The following GOLGA6L22 variants were observed in gnomAD, a reference collection of about 807,000 sequenced individuals.
The protein encoded by GOLGA6L22 is golgin subfamily A member 6-like protein 22.
A neutral mutation model predicts 77.1 loss-of-function variants in GOLGA6L22; 28 were observed. That is an observed-to-expected ratio of 0.36 (90% confidence interval 0.27 to 0.50). GOLGA6L22 has a LOEUF of 0.50. Among genes scored for constraint, GOLGA6L22 ranks in the 20% least tolerant of loss-of-function variants. The pLI, the probability that GOLGA6L22 is intolerant of heterozygous loss-of-function variation, is 0.97. For synonymous variants in GOLGA6L22, 62 were observed against 185.3 expected (o/e 0.33, Z 5.41); for missense variants, 250 against 620.4 (o/e 0.40, Z 6.34).
chr15:22,462,830 ATGTG>A (rs1172331790), intron 5 of GOLGA6L22, among the ~76,000 whole-genome samples: 1 of 97,054 alleles, frequency 1.0e-5, no homozygotes, highest in Non-Finnish European at 2.0e-5. Flanking sequence ...GCAGGTGTAT[ATGTG>A]TGTGTGTGTA....
exon 8 of GOLGA6L22, chr15:22,466,607 G>A: frequency 1.6e-6 from 1 of 630,334 alleles, no homozygotes; most frequent in Non-Finnish European, 2.8e-6. Flanking sequence ...GAAGATAAGG[G>A]AGCAGGAGAA....
At chr15:22,463,681 A>G (rs1887592992) in intron 5 of GOLGA6L22, among the ~76,000 whole-genome samples, 160 bp from the exon 6 acceptor site, 1 of 130,882 alleles carries the variant, frequency 7.6e-6, no homozygotes, top group Non-Finnish European at 1.6e-5. Flanking sequence ...AAGAAAGAAA[A>G]ACAAATGAGA....
At chr15:22,463,247 G>T (rs1212695311) in intron 5 of GOLGA6L22, among the ~76,000 whole-genome samples, 3 of 149,374 alleles carry the variant, frequency 2.0e-5, no homozygotes, top group Non-Finnish European at 3.0e-5. Context: ...AACAGTGGTA[G>T]TACTAACAGT....
rs1887546312 is a variant in GOLGA6L22 at position 22,462,159 on chromosome 15, CT to C, written c.232-10del. ...TGCTTCTCTTTCAGCATTTGCTTGT[CT>C]TTTCTCCCAAAGGCCCAGGTTCATA... On this transcript the variant is annotated splice_polypyrimidine_tract_variant and intron_variant, in intron 3 of 8. Coordinates refer to ENST00000622895, the Ensembl canonical transcript of GOLGA6L22. 9.3e-7 allele frequency: 1 copy of C among 1,070,782 alleles called. No individual in the cohort carries two copies. The highest frequency in any genetic ancestry group is 1.3e-6 in the Non-Finnish European group (1 of 778,230). The allele number at this position is 1,070,782 out of a possible 1,614,324, so 66.3% of individuals were successfully genotyped here.
At chr15:22,466,801 G>T in exon 8 of GOLGA6L22, 1 of 554,988 alleles carries the variant, frequency 1.8e-6, no homozygotes. Context: ...TGCGGCAGCA[G>T]GAGGAGAAGA....
exon 8 of GOLGA6L22, chr15:22,466,052 G>A: frequency 3.4e-6 from 3 of 885,200 alleles, no homozygotes; most frequent in Non-Finnish European, 5.1e-6. Flanking sequence ...GGAGCAGGAG[G>A]AGAAGATGTG....
chr15:22,465,437 G>A lies in GOLGA6L22; in HGVS notation c.1045G>A (p.Glu349Lys), dbSNP rs1485838885. 7.7e-5 allele frequency: 30 copies of A among 387,644 alleles called. 2 individuals carry two copies. Among genetic ancestry groups the A allele is most frequent in the Non-Finnish European group, 4.3e-6 (1 of 232,828 alleles). The allele number at this position is 387,644 out of a possible 1,614,324, so 24.0% of individuals were successfully genotyped here. The change falls in exon 8 of 9, where the codon GAG becomes AAG. Residue 349 changes from glutamate to lysine, a missense_variant. Coordinates refer to ENST00000622895, the Ensembl canonical transcript of GOLGA6L22. ...GATACGCGAGCAGGAGAAGAGGCAG[G>A]AGCAGGAGGCGAAGATGTGGAGGCA... is the stretch of plus-strand genomic sequence containing the variant.
intron 5 of GOLGA6L22, among the ~76,000 whole-genome samples, chr15:22,463,170 A>G (rs1201611603): frequency 1.4e-5 from 2 of 139,122 alleles, no homozygotes; most frequent in Non-Finnish European, 3.1e-5. Flanking sequence ...ACCGTCTCCT[A>G]TGGAGGTTGT....
At chr15:22,463,752 C>T in intron 5 of GOLGA6L22, 89 bp from the exon 6 acceptor site, 3 of 528,282 alleles carry the variant, frequency 5.7e-6, no homozygotes, top group Non-Finnish European at 9.8e-6. Flanking sequence ...GGAAGTGTTA[C>T]TGTGGAGTAG....
rs1188485404 is a variant in GOLGA6L22 at position 22,464,342 on chromosome 15, CTG to C, written c.605_606del (p.Leu202ArgfsTer16). 7.4e-6 allele frequency: 4 copies of C among 536,996 alleles called. 1 individual carries two copies. The highest frequency in any genetic ancestry group is 1.2e-5 in the Non-Finnish European group (4 of 337,948). 33.3% of individuals were successfully genotyped at this position (536,996 alleles called of 1,614,324 possible). On this transcript the variant is annotated frameshift_variant, in exon 7 of 9. Transcript: ENST00000622895. LOFTEE classifies it high-confidence loss of function. ...CAACGTAAAGGAGCTAAAAAGGAAACTGGAGAGGGCCAAGCTCCTGCTGCCAC... is the reference window on the plus strand; with the variant it reads ...CAACGTAAAGGAGCTAAAAAGGAAACGAGAGGGCCAAGCTCCTGCTGCCAC...
exon 8 of GOLGA6L22, chr15:22,466,466 GAGA>G (rs1309486295): frequency 1.6e-6 from 1 of 643,052 alleles, no homozygotes; most frequent in Non-Finnish European, 2.7e-6. Context: ...AAGGGAGCAG[GAGA>G]AGAAGATACG....
At chr15:22,463,250 C>A (rs1337393480) in intron 5 of GOLGA6L22, among the ~76,000 whole-genome samples, 26 of 149,330 alleles carry the variant, frequency 1.7e-4, no homozygotes, top group African/African-American at 6.0e-4. Flanking sequence ...AGTGGTAGTA[C>A]TAACAGTAAT....
At position 22,466,435 on chromosome 15, in the gene GOLGA6L22, G is replaced by A. The variant is rs765713567; in HGVS notation, c.2043G>A (p.Met681Ile). The A allele has an allele frequency of 7.6e-6, 9 of 1,186,766 alleles. 1 individual carries two copies. The highest frequency in any genetic ancestry group is 8.1e-6 in the Non-Finnish European group (7 of 861,502). The allele number at this position is 1,186,766 out of a possible 1,614,324, so 73.5% of individuals were successfully genotyped here. A position where few individuals can be genotyped will look rare whatever the true frequency, so the allele number is the denominator to read the frequency against. The change falls in exon 8 of 9, where the codon ATG (methionine) becomes ATA (isoleucine). Residue 681 changes from methionine (M) to isoleucine (I), a missense_variant. Transcript: ENST00000622895. ...AGATGCAAGAACAGGAGGAGAAGAT[G>A]CGGAGGCAGGAGGAGAAGATAAGGG...
intron 5 of GOLGA6L22, among the ~76,000 whole-genome samples, 197 bp from the exon 6 acceptor site, chr15:22,463,644 T>A: frequency 1.6e-5 from 2 of 123,506 alleles, no homozygotes; most frequent in South Asian, 2.9e-4. Flanking sequence ...AGAATGAAAC[T>A]CTGCCAAAAA....
intron 2 of GOLGA6L22, 82 bp from the exon 3 acceptor site, chr15:22,461,952 A>G: frequency 7.3e-7 from 1 of 1,367,900 alleles, no homozygotes; most frequent in Non-Finnish European, 9.9e-7. Flanking sequence ...GTTCTGGGAC[A>G]GTGGTGCCAT....
chr15:22,461,933 G>A lies in GOLGA6L22; in HGVS notation c.181-101G>A, dbSNP rs1887540455. 47 of 1,196,286 alleles carry A rather than the reference G, an allele frequency of 3.9e-5. 7 individuals carry two copies. In the South Asian group the frequency reaches 6.6e-4, roughly 17 times the overall value. 74.1% of individuals were successfully genotyped at this position (1,196,286 alleles called of 1,614,324 possible). On this transcript the variant is annotated intron_variant, in intron 2 of 8. Coordinates refer to ENST00000622895, the Ensembl canonical transcript of GOLGA6L22. ...GGGTCCCTGATAAACTGGTCCCATG[G>A]GTGGGCCTGTTCTGGGACAGTGGTG...
chr15:22,463,302 C>A (rs1001751290), intron 5 of GOLGA6L22, among the ~76,000 whole-genome samples: 6 of 149,356 alleles, frequency 4.0e-5, no homozygotes, highest in Non-Finnish European at 7.4e-5. Flanking sequence ...CCCCTGTTAG[C>A]CAGCTCTAAA....
intron 8 of GOLGA6L22, 66 bp downstream of exon 8, chr15:22,466,891 AGCAGGCGGAGGTGTGT>A (rs1887745692): frequency 2.3e-6 from 1 of 443,996 alleles, no homozygotes; most frequent in East Asian, 3.2e-5. Context: ...TCTTGGGGGG[AGCAGGCGGAGGTGTGT>A]GCAAACCCTG....
chr15:22,464,739 C>A lies in GOLGA6L22; in HGVS notation c.634-287C>A, dbSNP rs1334582253. 3.1e-5 allele frequency among the ~76,000 whole-genome samples: 4 copies of A among 130,942 alleles called. 2 individuals are homozygous for A. The highest frequency in any genetic ancestry group is 1.3e-4 in the African/African-American group (4 of 30,298). 85.9% of individuals were successfully genotyped at this position (130,942 alleles called of 152,430 possible). A position where few individuals can be genotyped will look rare whatever the true frequency, so the allele number is the denominator to read the frequency against. ...TCTCGGCTCACTGCAAGCTCCAACC[C>A]CGGCTTCACGCCATTCTCCTGCCTC... On this transcript the variant is annotated intron_variant, in intron 7 of 8. Transcript: ENST00000622895.
Sources: gnomAD v4.1 joint callset for allele counts (sites outside exome capture counted in the v4.1 genomes callset) on GRCh38, gnomAD v4.1.1 for gene constraint, MANE v1.5 for transcripts, NCBI Gene and HGNC (gene_info 2026-07-23, HGNC 2026-07-21) for gene names.